MPHOSPH9: variants seen among roughly 807,000 people sequenced by gnomAD.
MPHOSPH9 encodes M-phase phosphoprotein 9.
MPHOSPH9 carries 88 observed loss-of-function variants against 145.5 expected under a neutral mutation model. That is an observed-to-expected ratio of 0.60 (90% confidence interval 0.51 to 0.72). MPHOSPH9 has a LOEUF of 0.72. Ranked by LOEUF, MPHOSPH9 falls within the 30% of genes least tolerant of loss-of-function variation. MPHOSPH9 has a pLI of 0.00. For missense variants in MPHOSPH9, 1,238 were observed against 1,386.6 expected (o/e 0.89, Z 1.70); for synonymous variants, 435 against 486.2 (o/e 0.89, Z 1.39).
intron 8 of MPHOSPH9, among the ~76,000 whole-genome samples, chr12:123,208,486 A>C (rs1448137967): frequency 1.3e-5 from 2 of 150,732 alleles, no homozygotes; most frequent in East Asian, 3.9e-4. Context: ...GCAGTGAGCC[A>C]AGATCGCACC....
Position 123,159,288 on chromosome 12 carries a change from C to T in MPHOSPH9, c.3450+1493G>A, listed in dbSNP as rs2044003106. Among the ~76,000 whole-genome samples, 1 of 152,102 alleles carries T rather than the reference C, an allele frequency of 6.6e-6. No homozygotes were observed. The highest frequency in any genetic ancestry group is 1.5e-5 in the Non-Finnish European group (1 of 68,014). ...AAGCGATTCTCATGCCTCAGCCTCC[C>T]GAGTAGCTAGGACTGCAGGCGTGCA... On this transcript the variant is annotated intron_variant, in intron 23 of 23. Coordinates refer to ENST00000606320, the MANE Select transcript of MPHOSPH9 (RefSeq NM_022782.4). This position sits in a 1 kb window ranked among gnomAD's most constrained non-coding sequence, Gnocchi z 4.3.
chr12:123,241,366 C>T (rs2047934580), intron 1 of MPHOSPH9, among the ~76,000 whole-genome samples: 1 of 152,014 alleles, frequency 6.6e-6, no homozygotes. Flanking sequence ...AGTCTCGCTC[C>T]TTCAGTCTTC....
chr12:123,194,341 C>T (rs772624830), intron 13 of MPHOSPH9, 45 bp downstream of exon 13: 2 of 1,185,110 alleles, frequency 1.7e-6, no homozygotes, highest in Non-Finnish European at 1.2e-6. Context: ...ACCTAAATTA[C>T]TTTTAGCCAA....
At chr12:123,231,682 C>T (rs1204144257) in intron 1 of MPHOSPH9, among the ~76,000 whole-genome samples, 1 of 151,722 alleles carries the variant, frequency 6.6e-6, no homozygotes, top group African/African-American at 2.4e-5. Context: ...GGGCAACAGA[C>T]CAAGACCCCA....
chr12:123,166,517 A>C, intron 17 of MPHOSPH9, 138 bp downstream of exon 17: 1 of 981,582 alleles, frequency 1.0e-6, no homozygotes, highest in Non-Finnish European at 1.6e-6. Context: ...GTAGCCTTTC[A>C]AAGTAAAATA....
downstream of MPHOSPH9, chr12:123,153,205 C>G (rs1790109): frequency 0.64 from 96,652 of 152,022 alleles, 35,274 homozygotes; most frequent in East Asian, 0.97. Context: ...TTTAGAAAAA[C>G]AACCTATATT....
rs1406084452 is a variant in MPHOSPH9 at position 123,226,896 on chromosome 12, T to G, written c.258+567A>C. On this transcript the variant is annotated intron_variant, in intron 3 of 23. Transcript: ENST00000606320. ...AACCAAACCTCCCACCTTGGCCGCC[T>G]AAAGTGCTGGGATTACAGGCGTGAG... Among the ~76,000 whole-genome samples, 3 of 152,182 alleles carry G rather than the reference T, an allele frequency of 2.0e-5. No individual in the cohort carries two copies. In the East Asian group the frequency reaches 5.8e-4, roughly 29 times the overall value.
rs1369185518 is a variant in MPHOSPH9 at position 123,218,272 on chromosome 12, TAACAATACAAAAG to T, written c.996+91_996+103del. ...AAAAAAAATGTATAAATGAACAAAT[TAACAATACAAAAG>T]AAAGGGCACAAGAGTTTTGTTCATG... On this transcript the variant is annotated intron_variant, in intron 6 of 23. Coordinates refer to ENST00000606320, the MANE Select transcript of MPHOSPH9 (RefSeq NM_022782.4). The T allele has an allele frequency of 4.1e-5, 60 of 1,471,100 alleles. No homozygotes were observed. In the Middle Eastern group the frequency reaches 5.4e-4, roughly 13 times the overall value. The allele number at this position is 1,471,100 out of a possible 1,614,324, so 91.1% of individuals were successfully genotyped here. A position where few individuals can be genotyped will look rare whatever the true frequency, so the allele number is the denominator to read the frequency against.
chr12:123,182,936 G>A (rs1168347255), intron 13 of MPHOSPH9, among the ~76,000 whole-genome samples: 2 of 151,286 alleles, frequency 1.3e-5, no homozygotes, highest in African/African-American at 4.9e-5. Flanking sequence ...ATAAGAGGCC[G>A]GGCGTGGTAG....
At chr12:123,239,712 A>G (rs1277077247) in intron 1 of MPHOSPH9, among the ~76,000 whole-genome samples, 1 of 152,102 alleles carries the variant, frequency 6.6e-6, no homozygotes, top group African/African-American at 2.4e-5. Context: ...CAGTAGCGTT[A>G]GTTTCTATTG....
At chr12:123,210,977 CTTTTTTT>C (rs907442708) in intron 7 of MPHOSPH9, among the ~76,000 whole-genome samples, 66 of 89,762 alleles carry the variant, frequency 7.4e-4, no homozygotes, top group South Asian at 1.4e-3. Context: ...TTTGTTTTTT[CTTTTTTT>C]TTTTTTTTTT....
chr12:123,215,447 A>G (rs1226551543), intron 6 of MPHOSPH9, among the ~76,000 whole-genome samples: 1 of 152,170 alleles, frequency 6.6e-6, no homozygotes, highest in Non-Finnish European at 1.5e-5. Context: ...ATTTACTTCC[A>G]AAACAAATTT....
intron 8 of MPHOSPH9, among the ~76,000 whole-genome samples, chr12:123,206,457 GAAGAAAGA>G (rs1235730605): frequency 6.6e-6 from 1 of 151,274 alleles, no homozygotes; most frequent in African/African-American, 2.4e-5. Flanking sequence ...GTGAGACCGT[GAAGAAAGA>G]AAGAGAGAAA....
chr12:123,234,756 A>G (rs2047812212), upstream of MPHOSPH9, among the ~76,000 whole-genome samples: 1 of 152,202 alleles, frequency 6.6e-6, no homozygotes, highest in South Asian at 2.1e-4. Context: ...ATTATATTAC[A>G]TAATTCCAAA....
intron 12 of MPHOSPH9, 70 bp from the exon 13 acceptor site, chr12:123,194,671 G>C (rs2045866253): frequency 3.5e-6 from 4 of 1,135,102 alleles, no homozygotes; most frequent in Non-Finnish European, 4.8e-6. Flanking sequence ...GCCCAAGCTG[G>C]AGTACAATGG....
At chr12:123,218,685 A>G (rs1490447027) in intron 5 of MPHOSPH9, among the ~76,000 whole-genome samples, 186 bp from the exon 6 acceptor site, 1 of 151,996 alleles carries the variant, frequency 6.6e-6, no homozygotes, top group Non-Finnish European at 1.5e-5. Context: ...TACCTCGCCC[A>G]GCTAATTTTT....
chr12:123,235,243 G>C (rs973285281), upstream of MPHOSPH9, among the ~76,000 whole-genome samples: 3 of 152,174 alleles, frequency 2.0e-5, no homozygotes, highest in Non-Finnish European at 4.4e-5. Flanking sequence ...TGAGGAATTA[G>C]AGCCAAAGTT....
chr12:123,204,384 T>C (rs1012657129), intron 8 of MPHOSPH9, among the ~76,000 whole-genome samples: 1 of 151,960 alleles, frequency 6.6e-6, no homozygotes, highest in East Asian at 1.9e-4. Context: ...TAATTTCATA[T>C]GGCTGAAGAA....
At chr12:123,233,657 G>C (rs1177359969), upstream of MPHOSPH9, 1 of 152,362 alleles carries the variant, frequency 6.6e-6, no homozygotes, top group Non-Finnish European at 1.5e-5. Context: ...GGCGCAGCCA[G>C]TTTACCTGAG....
Sources: allele counts gnomAD v4.1 joint callset (sites outside exome capture counted in the v4.1 genomes callset), GRCh38; gene constraint gnomAD v4.1.1; non-coding constraint Gnocchi (gnomAD v3.1); transcripts MANE v1.5; gene names NCBI Gene and HGNC (gene_info 2026-07-23, HGNC 2026-07-21).